The following B3GALT1 variants were observed in gnomAD, a reference collection of about 807,000 sequenced individuals.
The protein encoded by B3GALT1 is beta-1,3-galactosyltransferase 1.
B3GALT1 carries 10 observed loss-of-function variants against 23.2 expected under a neutral mutation model. The observed-to-expected ratio is 0.43, with a 90% CI of 0.27 to 0.73. The LOEUF is 0.73. B3GALT1 is among the 30% of genes least tolerant of loss of function. The probability of loss-of-function intolerance (pLI) is 0.21; values close to 1 mark genes in which losing one functional copy is unlikely to be tolerated. For synonymous variants in B3GALT1, 156 were observed against 141.5 expected (o/e 1.10, Z -0.73); for missense variants, 299 against 405.4 (o/e 0.74, Z 2.25).
In B3GALT1 at chr2:167,690,988, G is replaced by A. The variant is rs529361453; in HGVS notation, c.-352+44022G>A. Among the ~76,000 whole-genome samples, 3 of 151,848 alleles carry A rather than the reference G, an allele frequency of 2.0e-5. No individual in the cohort carries two copies. The South Asian group carries it at 6.2e-4, about 32-fold the overall frequency. Reference sequence around the variant, plus strand: ...GTCTTAATTTCATAGTTTTTAAACGGGAAATAACAATAAGAATGCAAACAA... The same window carrying A: ...GTCTTAATTTCATAGTTTTTAAACGAGAAATAACAATAAGAATGCAAACAA... On this transcript the variant is annotated intron_variant, in intron 3 of 4. Transcript: ENST00000392690.
intron 1 of B3GALT1, among the ~76,000 whole-genome samples, chr2:167,313,375 C>G (rs1378249922): frequency 6.6e-6 from 1 of 152,086 alleles, no homozygotes; most frequent in African/African-American, 2.4e-5. Flanking sequence ...ACAAATTTGA[C>G]AGAGTATTCT....
chr2:167,418,628 A>G (rs1698502658), intron 1 of B3GALT1, among the ~76,000 whole-genome samples: 1 of 152,096 alleles, frequency 6.6e-6, no homozygotes, highest in Non-Finnish European at 1.5e-5. Context: ...TGATTTTATC[A>G]AAGGCTGTGG....
chr2:167,603,228 A>G (rs1684904941), intron 2 of B3GALT1, among the ~76,000 whole-genome samples: 2 of 152,016 alleles, frequency 1.3e-5, no homozygotes, highest in African/African-American at 4.8e-5. Context: ...CAGCTTTTCC[A>G]CCTCTACTCA....
intron 2 of B3GALT1, among the ~76,000 whole-genome samples, chr2:167,565,139 G>A (rs1355947613): frequency 6.6e-6 from 1 of 152,132 alleles, no homozygotes; most frequent in African/African-American, 2.4e-5. Context: ...AAACAGCATG[G>A]TACTGGTACC....
At chr2:167,559,436 A>G (rs1312481448) in intron 2 of B3GALT1, among the ~76,000 whole-genome samples, 5 of 152,222 alleles carry the variant, frequency 3.3e-5, no homozygotes, top group Non-Finnish European at 5.9e-5. Context: ...CTCACCAGCA[A>G]CGAAACGAAG....
chr2:167,584,055 G>A (rs185368527), intron 2 of B3GALT1, among the ~76,000 whole-genome samples: 1 of 152,182 alleles, frequency 6.6e-6, no homozygotes, highest in East Asian at 1.9e-4. Context: ...CAGGCTGGGG[G>A]AGCAGGGAAC....
chr2:167,358,273 T>A (rs1697447495), intron 1 of B3GALT1, among the ~76,000 whole-genome samples: 1 of 152,060 alleles, frequency 6.6e-6, no homozygotes, highest in Non-Finnish European at 1.5e-5. Flanking sequence ...GAGGAACAAG[T>A]GTAGTTTTAA....
At chr2:167,762,895 C>CA in intron 3 of B3GALT1, among the ~76,000 whole-genome samples, 1 of 152,198 alleles carries the variant, frequency 6.6e-6, no homozygotes, top group South Asian at 2.1e-4. Context: ...GATCTTTTGC[C>CA]AAAAATGCTT....
chr2:167,832,247 C>T (rs1197179257), intron 4 of B3GALT1, among the ~76,000 whole-genome samples: 1 of 152,166 alleles, frequency 6.6e-6, no homozygotes, highest in Non-Finnish European at 1.5e-5. Context: ...TCTAAATACT[C>T]CAGGCTTCAG....
At chr2:167,700,757 C>T (rs1686868860) in intron 3 of B3GALT1, among the ~76,000 whole-genome samples, 1 of 152,148 alleles carries the variant, frequency 6.6e-6, no homozygotes, top group Non-Finnish European at 1.5e-5. Context: ...ACGCGTGGAA[C>T]TACTATGGCG....
intron 3 of B3GALT1, among the ~76,000 whole-genome samples, chr2:167,728,998 T>C (rs776323935): frequency 2.6e-5 from 4 of 152,190 alleles, no homozygotes; most frequent in Non-Finnish European, 4.4e-5. Flanking sequence ...ATGTATTGGT[T>C]GAATAAGTTG....
In B3GALT1 at chr2:167,564,641, A is replaced by T. The variant is rs1451045981; in HGVS notation, c.-410+74364A>T. 2.0e-5 allele frequency among the ~76,000 whole-genome samples: 3 copies of T among 152,174 alleles called. No homozygotes were observed. In the East Asian group the frequency reaches 5.8e-4, roughly 29 times the overall value. ...CTCGGGAGGCCGAGGCCGGCGGATC[A>T]CTCGTGGCTAGGAGCTGGAGACCAG... On this transcript the variant is annotated intron_variant, in intron 2 of 4. Transcript: ENST00000392690.
chr2:167,728,332 A>G (rs1428538170), intron 3 of B3GALT1, among the ~76,000 whole-genome samples: 1 of 152,214 alleles, frequency 6.6e-6, no homozygotes, highest in African/African-American at 2.4e-5. Flanking sequence ...GGTTGCAGTG[A>G]GGTGAGATCA....
rs185224505 is a variant in B3GALT1 at position 167,748,304 on chromosome 2, C to T, written c.-351-70368C>T. Among the ~76,000 whole-genome samples, 8 of 150,094 alleles carry T rather than the reference C, an allele frequency of 5.3e-5. No homozygotes were observed. The East Asian group carries it at 1.6e-3, about 30-fold the overall frequency. On this transcript the variant is annotated intron_variant, in intron 3 of 4. Coordinates refer to ENST00000392690, the MANE Select transcript of B3GALT1 (RefSeq NM_020981.4). ...TTTCATGCAGATCACCTAAGGCAAG[C>T]CATCAGTTATCCACCGAGATGAGCG...
intron 2 of B3GALT1, among the ~76,000 whole-genome samples, chr2:167,624,571 C>T (rs772852818): frequency 2.6e-5 from 4 of 152,006 alleles, no homozygotes; most frequent in African/African-American, 4.8e-5. Context: ...GTACCTTGCC[C>T]AAGGTCAAAC....
rs1238142263 is a variant in B3GALT1, at chr2:167,323,122, A to G, written c.-511+29788A>G. ...TATGATTGCTCATTCGTTGCTACAT[A>G]GACAAAAATGTACTTTATATGAGAG... On this transcript the variant is annotated intron_variant, in intron 1 of 4. Coordinates refer to ENST00000392690, the MANE Select transcript of B3GALT1 (RefSeq NM_020981.4). Among the ~76,000 whole-genome samples the G allele has an allele frequency of 2.0e-5, 3 of 152,202 alleles. No individual in the cohort carries two copies. The East Asian group carries it at 5.8e-4, about 29-fold the overall frequency.
intron 4 of B3GALT1, among the ~76,000 whole-genome samples, chr2:167,829,428 A>C (rs1689295706): frequency 1.3e-5 from 2 of 151,848 alleles, no homozygotes; most frequent in African/African-American, 2.4e-5. Flanking sequence ...GGTTACAGGG[A>C]GCCAAGATCA....
At chr2:167,561,832 A>T (rs1278927620) in intron 2 of B3GALT1, among the ~76,000 whole-genome samples, 1 of 152,226 alleles carries the variant, frequency 6.6e-6, no homozygotes, top group Non-Finnish European at 1.5e-5. Context: ...CCAACCAAGA[A>T]GAGTCCAGGA....
chr2:167,559,394 A>T lies in B3GALT1; in HGVS notation c.-410+69117A>T, dbSNP rs551617139. Among the ~76,000 whole-genome samples the T allele has an allele frequency of 1.3e-3, 198 of 152,348 alleles. 1 individual carries two copies. The highest frequency in any genetic ancestry group is 4.5e-3 in the African/African-American group (186 of 41,580). On this transcript the variant is annotated intron_variant, in intron 2 of 4. Coordinates refer to ENST00000392690, the MANE Select transcript of B3GALT1 (RefSeq NM_020981.4). ...AAAAACTGGAAACTCTAAAAAGCAG[A>T]GCGCCTCTCCTCCTCCAAAGGAACG...
Sources: gnomAD v4.1 joint callset for allele counts (sites outside exome capture counted in the v4.1 genomes callset) on GRCh38, gnomAD v4.1.1 for gene constraint, MANE v1.5 for transcripts, NCBI Gene and HGNC (gene_info 2026-07-23, HGNC 2026-07-21) for gene names.